The following FAM81A variants were observed in gnomAD, a reference collection of about 807,000 sequenced individuals.
The protein encoded by FAM81A is family with sequence similarity 81 member A, also known as protein FAM81A.
Under a neutral mutation model 46.7 loss-of-function variants are expected in FAM81A, and 19 were observed. That is an observed-to-expected ratio of 0.41 (90% confidence interval 0.28 to 0.60). The LOEUF (loss-of-function observed/expected upper bound fraction) is 0.60. Ranked by LOEUF, FAM81A falls within the 20% of genes least tolerant of loss-of-function variation. FAM81A has a pLI of 0.34. For synonymous variants in FAM81A, 183 were observed against 152.9 expected (o/e 1.20, Z -1.45); for missense variants, 377 against 453.5 (o/e 0.83, Z 1.53).
intron 3 of FAM81A, among the ~76,000 whole-genome samples, chr15:59,470,072 G>T (rs1457711860): frequency 1.3e-5 from 2 of 152,222 alleles, no homozygotes; most frequent in Non-Finnish European, 2.9e-5. Context: ...TCTGCCGAGA[G>T]ATCTGCTGTT....
At chr15:59,518,139 ATTTT>A (rs576524944) in intron 8 of FAM81A, among the ~76,000 whole-genome samples, 7 of 134,780 alleles carry the variant, frequency 5.2e-5, no homozygotes, top group African/African-American at 1.7e-4. Flanking sequence ...CGGCCGGCTA[ATTTT>A]TTTTTTTTTT....
At chr15:59,409,692 G>A (rs1156840231) in intron 2 of FAM81A, among the ~76,000 whole-genome samples, 1 of 152,128 alleles carries the variant, frequency 6.6e-6, no homozygotes, top group Admixed American at 6.6e-5. Flanking sequence ...TAGAAGACAT[G>A]TCCTCATCAA....
intron 8 of FAM81A, among the ~76,000 whole-genome samples, chr15:59,520,594 T>C (rs1443672139): frequency 1.3e-5 from 2 of 149,824 alleles, no homozygotes; most frequent in Admixed American, 1.3e-4. Flanking sequence ...AGACGAGTCT[T>C]GCTCTGTCGC....
intron 1 of FAM81A, chr15:59,438,649 C>T (rs1046944256): frequency 6.6e-6 from 1 of 152,280 alleles, no homozygotes; most frequent in Non-Finnish European, 1.5e-5. Flanking sequence ...ACCATCTGCT[C>T]TTCCGCCCCT....
At chr15:59,435,227 C>T (rs537126454), upstream of FAM81A, among the ~76,000 whole-genome samples, 19 of 152,132 alleles carry the variant, frequency 1.2e-4, no homozygotes, top group African/African-American at 4.6e-4. Flanking sequence ...GCAGAGGTTG[C>T]AGTGAGCCGA....
In FAM81A at chr15:59,484,369, AC is replaced by A. The variant is rs560711912; in HGVS notation, c.295-7901del. The stretch of plus-strand genomic sequence containing the variant: ...TGAACACCAAATTTAACAACTGTCT[AC>A]AAAATAAAGCACCTTCATGAGAACC... On this transcript the variant is annotated intron_variant, in intron 3 of 8. Coordinates refer to ENST00000288228, the MANE Select transcript of FAM81A (RefSeq NM_152450.3). Among the ~76,000 whole-genome samples the A allele has an allele frequency of 2.8e-3, 432 of 152,314 alleles. 3 individuals carry two copies. The highest frequency in any genetic ancestry group is 4.8e-3 in the Non-Finnish European group (325 of 68,024).
At chr15:59,466,213 A>G (rs1372323417) in intron 3 of FAM81A, among the ~76,000 whole-genome samples, 1 of 152,232 alleles carries the variant, frequency 6.6e-6, no homozygotes, top group Admixed American at 6.5e-5. Flanking sequence ...TCCTTTGGGT[A>G]TATACCCAGT....
At chr15:59,499,013 G>T (rs75495317) in intron 4 of FAM81A, among the ~76,000 whole-genome samples, 2 of 152,098 alleles carry the variant, frequency 1.3e-5, no homozygotes, top group Non-Finnish European at 2.9e-5. Context: ...GGTTGAGAAA[G>T]ATTTTCTTTT....
Position 59,502,045 on chromosome 15 carries a change from A to G in FAM81A, c.414-5168A>G, listed in dbSNP as rs192204372. Among the ~76,000 whole-genome samples the G allele has an allele frequency of 6.7e-4, 102 of 152,028 alleles. 1 individual carries two copies. The highest frequency in any genetic ancestry group is 2.2e-3 in the African/African-American group (92 of 41,568). ...TAATTTTAAATTTATAAAAAATTAC[A>G]AAACTCACCAATTGTTAACAATATG... is the stretch of plus-strand genomic sequence containing the variant. On this transcript the variant is annotated intron_variant, in intron 4 of 8. Coordinates refer to ENST00000288228, the MANE Select transcript of FAM81A (RefSeq NM_152450.3).
intron 2 of FAM81A, among the ~76,000 whole-genome samples, chr15:59,430,354 T>C (rs1269364462): frequency 7.5e-6 from 1 of 133,948 alleles, no homozygotes; most frequent in East Asian, 2.4e-4. Flanking sequence ...AACCTCCGCC[T>C]CCCGGGTTCA....
intron 2 of FAM81A, among the ~76,000 whole-genome samples, chr15:59,426,425 A>G (rs2081194685): frequency 6.6e-6 from 1 of 152,128 alleles, no homozygotes; most frequent in Non-Finnish European, 1.5e-5. Flanking sequence ...GACCAACATG[A>G]AGAAACCCCG....
chr15:59,516,922 T>C, intron 8 of FAM81A, 82 bp downstream of exon 8: 1 of 1,286,946 alleles, frequency 7.8e-7, no homozygotes, highest in Middle Eastern at 2.4e-4. Flanking sequence ...TGCAACTACC[T>C]ATGAACCTGG....
At chr15:59,445,052 A>G (rs1402781279) in intron 1 of FAM81A, 1 of 152,216 alleles carries the variant, frequency 6.6e-6, no homozygotes, top group Non-Finnish European at 1.5e-5. Context: ...AGTTGCTACC[A>G]AGGGAACATT....
rs551194710 is a variant in FAM81A, at chr15:59,488,923, A to G, written c.295-3348A>G. Reference sequence around the variant, plus strand: ...GGTTGCAATGAGCCAAGATTGTGCCACTGCTTTCCAGCCTGGGTTCAGCGC... The same window carrying G: ...GGTTGCAATGAGCCAAGATTGTGCCGCTGCTTTCCAGCCTGGGTTCAGCGC... On this transcript the variant is annotated intron_variant, in intron 3 of 8. Coordinates refer to ENST00000288228, the MANE Select transcript of FAM81A (RefSeq NM_152450.3). 3.8e-4 allele frequency among the ~76,000 whole-genome samples: 57 copies of G among 151,958 alleles called. 1 individual carries two copies. The South Asian group carries it at 4.6e-3, about 12-fold the overall frequency.
intron 2 of FAM81A, among the ~76,000 whole-genome samples, chr15:59,410,305 A>T (rs1429970911): frequency 6.6e-6 from 1 of 151,740 alleles, no homozygotes; most frequent in African/African-American, 2.4e-5. Flanking sequence ...TCCAAAAAAA[A>T]GAAGAAGAAG....
upstream of FAM81A, among the ~76,000 whole-genome samples, chr15:59,433,677 A>G (rs1179700675): frequency 6.6e-6 from 1 of 152,176 alleles, no homozygotes; most frequent in Non-Finnish European, 1.5e-5. Context: ...TCTTAATTCT[A>G]TTTTACTATT....
upstream of FAM81A, among the ~76,000 whole-genome samples, chr15:59,434,926 C>G (rs2081236550): frequency 1.3e-5 from 2 of 152,192 alleles, no homozygotes. Context: ...TCGTGTGTAT[C>G]TCATCTTCAT....
At chr15:59,449,764 A>G (rs2081395060) in intron 1 of FAM81A, among the ~76,000 whole-genome samples, 1 of 123,218 alleles carries the variant, frequency 8.1e-6, no homozygotes. Flanking sequence ...CCTGGGCGAC[A>G]GAGCGAGACT....
intron 2 of FAM81A, among the ~76,000 whole-genome samples, chr15:59,409,656 A>C (rs2081112160): frequency 6.6e-6 from 1 of 152,210 alleles, no homozygotes; most frequent in Non-Finnish European, 1.5e-5. Context: ...AAGTTTCTGT[A>C]GGTGCAAAGG....
Sources: gnomAD v4.1 joint callset for allele counts (sites outside exome capture counted in the v4.1 genomes callset) on GRCh38, gnomAD v4.1.1 for gene constraint, MANE v1.5 for transcripts, NCBI Gene and HGNC (gene_info 2026-07-23, HGNC 2026-07-21) for gene names.